Variants in ZNF804A observed in about 807,000 individuals in gnomAD.
ZNF804A encodes the protein zinc finger protein 804A.
ZNF804A carries 2 observed loss-of-function variants against 16.5 expected under a neutral mutation model. The ratio of observed to expected loss-of-function variants is 0.12; its 90% CI spans 0.05 to 0.38. The LOEUF is 0.38. Ranked by LOEUF, ZNF804A falls within the 10% of genes least tolerant of loss-of-function variation. The probability of loss-of-function intolerance (pLI) is 0.99; values close to 1 mark genes in which losing one functional copy is unlikely to be tolerated. For synonymous variants in ZNF804A, 534 were observed against 489.6 expected, an observed-to-expected ratio of 1.09 and a Z score of -1.20; for missense variants, 1,473 against 1,390.7, an observed-to-expected ratio of 1.06 and a Z score of -0.94.
At chr2:184,745,181 G>A (rs76034576) in intron 1 of ZNF804A, among the ~76,000 whole-genome samples, 5,355 of 151,708 alleles carry the variant, frequency 0.035, 302 homozygotes, top group African/African-American at 0.12. Context: ...ACAATGCCCA[G>A]TATTTACTCA....
chr2:184,645,232 G>A (rs1262153728), intron 1 of ZNF804A, among the ~76,000 whole-genome samples: 1 of 151,962 alleles, frequency 6.6e-6, no homozygotes, highest in Non-Finnish European at 1.5e-5. Flanking sequence ...GTCTTCATAT[G>A]TTATTATGGT....
intron 1 of ZNF804A, among the ~76,000 whole-genome samples, chr2:184,614,835 G>T (rs986139662): frequency 1.3e-5 from 2 of 152,148 alleles, no homozygotes; most frequent in African/African-American, 2.4e-5. Flanking sequence ...ACCACAATGA[G>T]ATACCATCTC....
In ZNF804A at chr2:184,936,311, A is replaced by G. The variant is rs751817138; in HGVS notation, c.915A>G (p.Ala305=). The change falls in exon 4 of 4, where the codon GCA becomes GCG. Residue 305 remains alanine (A), a synonymous_variant. Coordinates refer to ENST00000302277, the MANE Select transcript of ZNF804A (RefSeq NM_194250.2). Reference sequence around the variant, plus strand: ...AAGAAGTCTCTAGTGAAAAAGATGCATTATTATTACCTTCATTTTGCAAGT... The same window carrying G: ...AAGAAGTCTCTAGTGAAAAAGATGCGTTATTATTACCTTCATTTTGCAAGT... ...EIKEVSSEKD[A]LLLPSFCKFQ... is the part of the protein sequence containing the mutation. 1.9e-6 allele frequency: 3 copies of G among 1,613,820 alleles called. No homozygotes were observed. Among genetic ancestry groups the G allele is most frequent in the Non-Finnish European group, 2.5e-6 (3 of 1,179,866 alleles).
chr2:184,687,765 A>G (rs1202634122), intron 1 of ZNF804A, among the ~76,000 whole-genome samples: 1 of 152,194 alleles, frequency 6.6e-6, no homozygotes, highest in Non-Finnish European at 1.5e-5. Flanking sequence ...TAAAAATGGG[A>G]AATTTTATGT....
At chr2:184,822,493 A>G (rs764148137) in intron 1 of ZNF804A, among the ~76,000 whole-genome samples, 2 of 152,044 alleles carry the variant, frequency 1.3e-5, no homozygotes, top group Non-Finnish European at 2.9e-5. Context: ...CATGGCACAC[A>G]TTTACCCATG....
chr2:184,646,179 C>T (rs552140473), intron 1 of ZNF804A, among the ~76,000 whole-genome samples: 19 of 152,264 alleles, frequency 1.2e-4, no homozygotes, highest in African/African-American at 2.6e-4. Flanking sequence ...GCCAGAGATT[C>T]GAGTGCCATA....
intron 1 of ZNF804A, among the ~76,000 whole-genome samples, chr2:184,680,497 C>T (rs1387859625): frequency 6.6e-6 from 1 of 152,214 alleles, no homozygotes; most frequent in Non-Finnish European, 1.5e-5. Context: ...GACACTGGGA[C>T]AACTTTCCCA....
chr2:184,684,899 T>G (rs1692603056), intron 1 of ZNF804A, among the ~76,000 whole-genome samples: 1 of 152,208 alleles, frequency 6.6e-6, no homozygotes, highest in Admixed American at 6.5e-5. Flanking sequence ...TATTCTCTTT[T>G]ATGGCTGCAT....
intron 1 of ZNF804A, among the ~76,000 whole-genome samples, chr2:184,794,599 A>G (rs1009105349): frequency 6.6e-6 from 1 of 151,974 alleles, no homozygotes; most frequent in Non-Finnish European, 1.5e-5. Flanking sequence ...AGAAAGACAA[A>G]AAAACCAAGG....
intron 1 of ZNF804A, among the ~76,000 whole-genome samples, chr2:184,848,434 T>G (rs2105803022): frequency 6.6e-6 from 1 of 152,126 alleles, no homozygotes; most frequent in Non-Finnish European, 1.5e-5. Context: ...CTGAATAAAT[T>G]TTCTCTTTAT....
intron 1 of ZNF804A, among the ~76,000 whole-genome samples, chr2:184,705,777 A>T (rs937909151): frequency 6.6e-6 from 1 of 152,182 alleles, no homozygotes; most frequent in Admixed American, 6.5e-5. Flanking sequence ...TTGGCAAATG[A>T]CCATTTCATG....
chr2:184,854,937 A>G (rs748525115), intron 1 of ZNF804A, among the ~76,000 whole-genome samples: 24 of 152,104 alleles, frequency 1.6e-4, no homozygotes, highest in Non-Finnish European at 2.4e-4. Flanking sequence ...TTAAGAAAAG[A>G]CACGACATTA....
At chr2:184,757,738 G>A (rs1030031443) in intron 1 of ZNF804A, among the ~76,000 whole-genome samples, 1 of 151,986 alleles carries the variant, frequency 6.6e-6, no homozygotes, top group Admixed American at 6.6e-5. Context: ...TTATCTGGAG[G>A]ATGCTGTACT....
At chr2:184,803,339 C>T (rs1400785167) in intron 1 of ZNF804A, among the ~76,000 whole-genome samples, 1 of 152,140 alleles carries the variant, frequency 6.6e-6, no homozygotes, top group East Asian at 1.9e-4. Flanking sequence ...ATAATTGCAA[C>T]ACCCATCATT....
rs180882048 is a variant in ZNF804A at position 184,806,632 on chromosome 2, A to G, written c.112-59737A>G. ...TACAGTCACATTGTTTAATATACAG[A>G]CATATTTCCTAGAAAGTGTCACTAT... On this transcript the variant is annotated intron_variant, in intron 1 of 3. Transcript: ENST00000302277. Among the ~76,000 whole-genome samples, 4 of 151,962 alleles carry G rather than the reference A, an allele frequency of 2.6e-5. No individual in the cohort carries two copies. The East Asian group carries it at 7.7e-4, about 29-fold the overall frequency.
chr2:184,692,977 TATA>T, intron 1 of ZNF804A, among the ~76,000 whole-genome samples: 1 of 152,288 alleles, frequency 6.6e-6, no homozygotes, highest in East Asian at 1.9e-4. Flanking sequence ...TTGACAGCCA[TATA>T]ATATTAGTAA....
intron 1 of ZNF804A, among the ~76,000 whole-genome samples, chr2:184,627,748 G>C (rs529321398): frequency 7.9e-5 from 12 of 152,164 alleles, no homozygotes; most frequent in Non-Finnish European, 1.5e-4. Context: ...AGGTAGCTAA[G>C]AGACATTAGA....
rs190033453 is a variant in ZNF804A, at chr2:184,838,565, A to G, written c.112-27804A>G. Among the ~76,000 whole-genome samples the G allele has an allele frequency of 2.5e-3, 383 of 152,280 alleles. 1 individual carries two copies. Among genetic ancestry groups the G allele is most frequent in the Middle Eastern group, 6.8e-3 (2 of 294 alleles). ...CTTTGAGAAAGTCAGATCAACATAGAGAATAACCCAGAATTAGTAAGACAT... is the reference window on the plus strand; with the variant it reads ...CTTTGAGAAAGTCAGATCAACATAGGGAATAACCCAGAATTAGTAAGACAT... On this transcript the variant is annotated intron_variant, in intron 1 of 3. Coordinates refer to ENST00000302277, the MANE Select transcript of ZNF804A (RefSeq NM_194250.2).
At chr2:184,719,404 T>C (rs545862425) in intron 1 of ZNF804A, among the ~76,000 whole-genome samples, 1 of 152,280 alleles carries the variant, frequency 6.6e-6, no homozygotes, top group Non-Finnish European at 1.5e-5. Flanking sequence ...TCCTCATTCA[T>C]TATGCAAATT....
Sources: allele counts gnomAD v4.1 joint callset (sites outside exome capture counted in the v4.1 genomes callset), GRCh38; gene constraint gnomAD v4.1.1; transcripts MANE v1.5; gene names NCBI Gene and HGNC (gene_info 2026-07-23, HGNC 2026-07-21).